The following BNC2 variants were observed in gnomAD, a reference collection of about 807,000 sequenced individuals.
The protein encoded by BNC2 is zinc finger protein basonuclin-2.
BNC2 carries 20 observed loss-of-function variants against 76.3 expected under a neutral mutation model. The ratio of observed to expected loss-of-function variants is 0.26; its 90% CI spans 0.18 to 0.38. The LOEUF (loss-of-function observed/expected upper bound fraction) is 0.38. Among genes scored for constraint, BNC2 ranks in the 10% least tolerant of loss-of-function variants. The pLI is 1.00. For missense variants in BNC2, 1,382 were observed against 1,399.8 expected (o/e 0.99, Z 0.20); for synonymous variants, 582 against 514.8 (o/e 1.13, Z -1.77).
chr9:16,567,006 A>C (rs1819188908), intron 4 of BNC2, among the ~76,000 whole-genome samples: 2 of 152,228 alleles, frequency 1.3e-5, no homozygotes, highest in African/African-American at 4.8e-5. Context: ...ATGGGACATA[A>C]TTTACTTGGA....
At chr9:16,681,146 G>C (rs990040751) in intron 3 of BNC2, among the ~76,000 whole-genome samples, 1 of 152,200 alleles carries the variant, frequency 6.6e-6, no homozygotes, top group African/African-American at 2.4e-5. Flanking sequence ...CATACTTGCA[G>C]CAAGCAGACA....
intron 3 of BNC2, among the ~76,000 whole-genome samples, chr9:16,598,144 T>G (rs1820147090): frequency 6.6e-6 from 1 of 152,170 alleles, no homozygotes; most frequent in Non-Finnish European, 1.5e-5. Context: ...TCTGTCAAAT[T>G]TTTGGTTCCA....
intron 1 of BNC2, among the ~76,000 whole-genome samples, chr9:16,811,321 C>T (rs894059247): frequency 2.0e-5 from 3 of 149,926 alleles, no homozygotes; most frequent in African/African-American, 7.3e-5. Flanking sequence ...GAGGCCAACG[C>T]GGGTGGATCA....
chr9:16,458,914 A>T (rs1244738000), intron 5 of BNC2, among the ~76,000 whole-genome samples: 1 of 152,234 alleles, frequency 6.6e-6, no homozygotes, highest in Non-Finnish European at 1.5e-5. Flanking sequence ...ATGAGCAAAT[A>T]CATGCACCGT....
intron 6 of BNC2, among the ~76,000 whole-genome samples, chr9:16,430,274 G>A (rs530981173): frequency 4.5e-4 from 69 of 152,182 alleles, no homozygotes; most frequent in African/African-American, 1.6e-3. Context: ...TTTTAGAAAT[G>A]GAGACTTGTA....
intron 5 of BNC2, among the ~76,000 whole-genome samples, chr9:16,491,511 A>AT (rs1284905141): frequency 7.2e-5 from 11 of 152,164 alleles, no homozygotes; most frequent in East Asian, 1.9e-4. Flanking sequence ...CTTCAAAATA[A>AT]TTTTTTTCTA....
chr9:16,808,513 G>C (rs1286997346), intron 1 of BNC2, among the ~76,000 whole-genome samples: 4 of 96,536 alleles, frequency 4.1e-5, no homozygotes, highest in Non-Finnish European at 4.1e-5. Flanking sequence ...TTTTGAGACA[G>C]AGTCTCATTC....
intron 5 of BNC2, among the ~76,000 whole-genome samples, chr9:16,457,924 G>C (rs1012030344): frequency 6.6e-6 from 1 of 152,114 alleles, no homozygotes; most frequent in Admixed American, 6.6e-5. Context: ...CATCCCCACT[G>C]CCATCCAACA....
rs555860248 is a variant in BNC2, at chr9:16,418,010, T to G, written c.*979A>C. The G allele has an allele frequency of 2.0e-5, 3 of 152,680 alleles. No homozygotes were observed. Among genetic ancestry groups the G allele is most frequent in the Non-Finnish European group, 4.4e-5 (3 of 68,044 alleles). 9.5% of individuals were successfully genotyped at this position (152,680 alleles called of 1,614,324 possible). A position where few individuals can be genotyped will look rare whatever the true frequency, so the allele number is the denominator to read the frequency against. ...TTGTGCAAAGTTGGCAGTTTTGTGT[T>G]AACACTAATACTTTGTTTGGCATTT... is the stretch of plus-strand genomic sequence containing the variant. On this transcript the variant is annotated 3_prime_UTR_variant, in exon 7 of 7. Coordinates refer to ENST00000380672, the MANE Select transcript of BNC2 (RefSeq NM_017637.6).
At chr9:16,538,612 C>G (rs564573724) in intron 5 of BNC2, among the ~76,000 whole-genome samples, 1 of 152,140 alleles carries the variant, frequency 6.6e-6, no homozygotes, top group Admixed American at 6.5e-5. Context: ...GGAAATATAT[C>G]TTTTGCTGCT....
chr9:16,734,054 T>C (rs1488367886), intron 2 of BNC2, among the ~76,000 whole-genome samples: 2 of 152,198 alleles, frequency 1.3e-5, no homozygotes, highest in Admixed American at 6.5e-5. Context: ...TGGAGAATAC[T>C]AGTTGGATCC....
intron 5 of BNC2, among the ~76,000 whole-genome samples, chr9:16,530,897 CG>C (rs1461349030): frequency 6.6e-6 from 1 of 152,110 alleles, no homozygotes; most frequent in Admixed American, 6.5e-5. Context: ...GCAGGGCTCA[CG>C]GTGCCTGATA....
chr9:16,779,611 T>TA (rs1441198744), intron 1 of BNC2, among the ~76,000 whole-genome samples: 1 of 152,144 alleles, frequency 6.6e-6, no homozygotes, highest in African/African-American at 2.4e-5. Flanking sequence ...AACTGATGGA[T>TA]AAATAAAACT....
In BNC2 at chr9:16,848,119, T is replaced by G. The variant is rs1586932861; in HGVS notation, c.3+22527A>C. On this transcript the variant is annotated intron_variant, in intron 1 of 6. Transcript: ENST00000380672. ...TCCAATATTAATAAATGCTGCCTTT[T>G]CCCTTAGTATCTTATCAAACATAAA... is the stretch of plus-strand genomic sequence containing the variant. Among the ~76,000 whole-genome samples, 7 of 152,352 alleles carry G rather than the reference T, an allele frequency of 4.6e-5. No homozygotes were observed. The South Asian group carries it at 1.4e-3, about 32-fold the overall frequency.
At chr9:16,611,007 T>A (rs1222825322) in intron 3 of BNC2, among the ~76,000 whole-genome samples, 2 of 152,114 alleles carry the variant, frequency 1.3e-5, no homozygotes, top group African/African-American at 2.4e-5. Flanking sequence ...TGAAAACAAT[T>A]TATGAAATTA....
chr9:16,621,621 A>G (rs1820870060), intron 3 of BNC2, among the ~76,000 whole-genome samples: 2 of 152,150 alleles, frequency 1.3e-5, no homozygotes, highest in Non-Finnish European at 1.5e-5. Flanking sequence ...TGAAAATCCA[A>G]GTCAACCCTT....
rs1379328400 is a variant in BNC2 at position 16,844,898 on chromosome 9, A to T, written c.3+25748T>A. Among the ~76,000 whole-genome samples the T allele has an allele frequency of 3.9e-5, 6 of 152,318 alleles. No homozygotes were observed. The East Asian group carries it at 1.2e-3, about 29-fold the overall frequency. On this transcript the variant is annotated intron_variant, in intron 1 of 6. Coordinates refer to ENST00000380672, the MANE Select transcript of BNC2 (RefSeq NM_017637.6). ...ATCACTGTATGTAAATTGTTCTGCA[A>T]TCCTGATGCTGCAGTGTCCCTGACC...
chr9:16,736,894 C>T (rs1320369569), intron 2 of BNC2, among the ~76,000 whole-genome samples: 2 of 152,102 alleles, frequency 1.3e-5, no homozygotes, highest in African/African-American at 4.8e-5. Flanking sequence ...GCAATCTCCG[C>T]CTCCCAGATT....
intron 5 of BNC2, among the ~76,000 whole-genome samples, chr9:16,546,200 T>A (rs1818476745): frequency 6.6e-6 from 1 of 152,218 alleles, no homozygotes; most frequent in Non-Finnish European, 1.5e-5. Context: ...ATACATTTCA[T>A]CTATATTATT....
Sources: allele counts gnomAD v4.1 joint callset (sites outside exome capture counted in the v4.1 genomes callset), GRCh38; gene constraint gnomAD v4.1.1; transcripts MANE v1.5; gene names NCBI Gene and HGNC (gene_info 2026-07-23, HGNC 2026-07-21).